CUEDC1: variants seen among roughly 807,000 people sequenced by gnomAD.
CUEDC1 encodes the protein CUE domain containing 1, also known as CUE domain-containing protein 1.
A neutral mutation model predicts 43.7 loss-of-function variants in CUEDC1; 30 were observed. The observed-to-expected ratio is 0.69, with a 90% CI of 0.51 to 0.93. The LOEUF is 0.93. Among genes scored for constraint, CUEDC1 ranks in the 40% least tolerant of loss-of-function variants. The pLI is 0.00. For missense variants in CUEDC1, 486 were observed against 549.0 expected, an observed-to-expected ratio of 0.89 and a Z score of 1.15; for synonymous variants, 223 against 223.6, an observed-to-expected ratio of 1.00 and a Z score of 0.02.
At chr17:57,925,548 T>A (rs1218182381) in intron 1 of CUEDC1, among the ~76,000 whole-genome samples, 1 of 152,114 alleles carries the variant, frequency 6.6e-6, no homozygotes, top group East Asian at 1.9e-4. Context: ...CCTGCTCAGG[T>A]GCTCTGCCCC....
intron 1 of CUEDC1, among the ~76,000 whole-genome samples, chr17:57,942,080 C>T (rs533014459): frequency 3.8e-4 from 58 of 152,274 alleles, no homozygotes; most frequent in African/African-American, 1.2e-3. Context: ...CCAGGCTCGG[C>T]TCAGAATCCA....
At chr17:57,941,460 C>T (rs1305847105) in intron 1 of CUEDC1, among the ~76,000 whole-genome samples, 1 of 152,210 alleles carries the variant, frequency 6.6e-6, no homozygotes, top group Non-Finnish European at 1.5e-5. Flanking sequence ...TCAAATCCAG[C>T]CTACACTCTG....
intron 6 of CUEDC1, among the ~76,000 whole-genome samples, chr17:57,870,686 T>A (rs1253035980): frequency 6.6e-6 from 1 of 151,840 alleles, no homozygotes; most frequent in Non-Finnish European, 1.5e-5. Context: ...CTTCTTTTTT[T>A]TTTTTTTGGA....
At chr17:57,915,840 G>A (rs1327810474) in intron 1 of CUEDC1, among the ~76,000 whole-genome samples, 1 of 152,192 alleles carries the variant, frequency 6.6e-6, no homozygotes, top group African/African-American at 2.4e-5. Context: ...GGGGCCTCAG[G>A]GGGCTGTTAT....
intron 10 of CUEDC1, among the ~76,000 whole-genome samples, chr17:57,864,556 T>C (rs961694747): frequency 6.6e-6 from 1 of 151,670 alleles, no homozygotes; most frequent in African/African-American, 2.4e-5. Flanking sequence ...AAGAGCACCA[T>C]AAGAATGCAG....
chr17:57,866,677 G>T, intron 9 of CUEDC1, 133 bp from the exon 10 acceptor site: 1 of 784,942 alleles, frequency 1.3e-6, no homozygotes, highest in Non-Finnish European at 2.1e-6. Flanking sequence ...GATCCCCCCA[G>T]GTAGACGATG....
At chr17:57,937,701 G>A (rs1598022095) in intron 1 of CUEDC1, among the ~76,000 whole-genome samples, 1 of 151,618 alleles carries the variant, frequency 6.6e-6, no homozygotes, top group Middle Eastern at 3.4e-3. Flanking sequence ...GAGATTGGTA[G>A]GATCACCAGC....
chr17:57,889,413 C>G (rs1381725666), intron 1 of CUEDC1, among the ~76,000 whole-genome samples: 1 of 152,186 alleles, frequency 6.6e-6, no homozygotes, highest in African/African-American at 2.4e-5. Flanking sequence ...CCTCATGGCC[C>G]CAGGGGAGGC....
At chr17:57,874,768 G>A (rs915932765) in intron 3 of CUEDC1, among the ~76,000 whole-genome samples, 3 of 152,118 alleles carry the variant, frequency 2.0e-5, no homozygotes, top group Admixed American at 1.3e-4. Context: ...TAGGAATCCC[G>A]CCCGCCCCCT....
At chr17:57,900,913 A>G (rs1275709946) in intron 1 of CUEDC1, among the ~76,000 whole-genome samples, 5 of 152,230 alleles carry the variant, frequency 3.3e-5, no homozygotes, top group Non-Finnish European at 5.9e-5. Flanking sequence ...TTTGCACTAT[A>G]GCAGGTGTAT....
intron 3 of CUEDC1, among the ~76,000 whole-genome samples, chr17:57,877,453 G>C (rs2074141203): frequency 6.6e-6 from 1 of 151,948 alleles, no homozygotes. Context: ...AACATAGTGA[G>C]ACCCTGTTTC....
At chr17:57,908,855 G>C (rs751248474) in intron 1 of CUEDC1, among the ~76,000 whole-genome samples, 1 of 152,060 alleles carries the variant, frequency 6.6e-6, no homozygotes, top group Non-Finnish European at 1.5e-5. Flanking sequence ...AAATCAACTG[G>C]GTGTGGTGGC....
chr17:57,893,805 C>T (rs959756916), intron 1 of CUEDC1, among the ~76,000 whole-genome samples: 2 of 152,150 alleles, frequency 1.3e-5, no homozygotes, highest in Non-Finnish European at 2.9e-5. Flanking sequence ...CTGTAAAACA[C>T]GAGAATTTGG....
chr17:57,909,373 T>C (rs998914995), intron 1 of CUEDC1, among the ~76,000 whole-genome samples: 4 of 152,244 alleles, frequency 2.6e-5, no homozygotes, highest in African/African-American at 7.2e-5. Context: ...TTATGGTTAA[T>C]GGCCATCATA....
chr17:57,940,130 A>G (rs902610551), intron 1 of CUEDC1, among the ~76,000 whole-genome samples: 4 of 152,114 alleles, frequency 2.6e-5, no homozygotes, highest in Admixed American at 2.6e-4. Flanking sequence ...AATCAACATC[A>G]TATAGTCAAC....
intron 1 of CUEDC1, among the ~76,000 whole-genome samples, chr17:57,931,118 G>A (rs117027297): frequency 0.05 from 7,602 of 152,046 alleles, 280 homozygotes; most frequent in Admixed American, 0.12. Context: ...GCAAAACAGG[G>A]TCTCTACAAA....
chr17:57,881,918 G>T, intron 2 of CUEDC1, among the ~76,000 whole-genome samples: 1 of 152,302 alleles, frequency 6.6e-6, no homozygotes, highest in African/African-American at 2.4e-5. Context: ...TGCAGGGCCC[G>T]AGTCCCAAGG....
intron 1 of CUEDC1, among the ~76,000 whole-genome samples, chr17:57,891,905 A>G (rs1011466282): frequency 6.6e-6 from 1 of 152,198 alleles, no homozygotes. Flanking sequence ...AATATTATAC[A>G]TTTGTCACTG....
intron 1 of CUEDC1, among the ~76,000 whole-genome samples, chr17:57,892,242 GA>G (rs1206815482): frequency 3.3e-5 from 5 of 152,208 alleles, no homozygotes; most frequent in Non-Finnish European, 5.9e-5. Context: ...CAAGGGGTCT[GA>G]GGCCAAGGCA....
Sources: allele counts gnomAD v4.1 joint callset (sites outside exome capture counted in the v4.1 genomes callset), GRCh38; gene constraint gnomAD v4.1.1; transcripts MANE v1.5; gene names NCBI Gene and HGNC (gene_info 2026-07-23, HGNC 2026-07-21).